EYA3: variants seen among roughly 807,000 people sequenced by gnomAD.
The protein encoded by EYA3 is protein phosphatase EYA3.
Under a neutral mutation model 80.0 loss-of-function variants are expected in EYA3, and 39 were observed. That is an observed-to-expected ratio of 0.49 (90% CI 0.38 to 0.64). The LOEUF (loss-of-function observed/expected upper bound fraction) is 0.64, where lower values mean the gene tolerates loss of function less well. Among genes scored for constraint, EYA3 ranks in the 30% least tolerant of loss-of-function variants. EYA3 has a pLI of 0.00. For missense variants in EYA3, 523 were observed against 676.1 expected, an observed-to-expected ratio of 0.77 and a Z score of 2.51; for synonymous variants, 206 against 232.8, an observed-to-expected ratio of 0.88 and a Z score of 1.05.
At chr1:28,029,783 T>G (rs1643016385) in intron 6 of EYA3, among the ~76,000 whole-genome samples, 1 of 151,732 alleles carries the variant, frequency 6.6e-6, no homozygotes, top group African/African-American at 2.4e-5. Flanking sequence ...TTAGTAAAGA[T>G]GGGGTTTCAC....
At chr1:27,975,299 A>G (rs1638876404) in intron 17 of EYA3, among the ~76,000 whole-genome samples, 1 of 151,846 alleles carries the variant, frequency 6.6e-6, no homozygotes, top group Admixed American at 6.6e-5. Context: ...CTCCCACCTC[A>G]GCCTCCCAAG....
Position 28,039,083 on chromosome 1 carries a change from T to C in EYA3, c.158-178A>G, listed in dbSNP as rs368248878. On this transcript the variant is annotated intron_variant, in intron 4 of 17. Transcript: ENST00000373871. ...ACTTTTTTGTTTATACATGTGTTTA[T>C]AGACTTCCAGAGGCAGTTAAAAAAA... Among the ~76,000 whole-genome samples the C allele has an allele frequency of 1.5e-4, 23 of 152,292 alleles. No homozygotes were observed. The South Asian group carries it at 3.7e-3, about 25-fold the overall frequency.
chr1:27,999,896 A>C (rs1640711388), intron 12 of EYA3, 64 bp downstream of exon 12: 1 of 1,237,062 alleles, frequency 8.1e-7, no homozygotes. Context: ...TAATAAGCAA[A>C]AGCTCTAAAT....
rs553233118 is a variant in EYA3, at chr1:27,989,688, T to C, written c.1418+9A>G. On this transcript the variant is annotated intron_variant, in intron 15 of 17. Transcript: ENST00000373871. ...GAGAGGATGAGACCTAAAAGAACCA[T>C]TTCCATACCTGGACTGGATGAGAAG... The C allele has an allele frequency of 1.9e-6, 3 of 1,571,374 alleles. No homozygotes were observed. Among genetic ancestry groups the C allele is most frequent in the East Asian group, 2.3e-5 (1 of 44,224 alleles).
intron 8 of EYA3, among the ~76,000 whole-genome samples, chr1:28,015,371 G>T (rs1641979016): frequency 1.3e-5 from 2 of 152,158 alleles, no homozygotes; most frequent in Admixed American, 6.5e-5. Context: ...TATATAGCCT[G>T]TGGGCTAGGG....
chr1:28,040,894 G>A (rs1643740210), intron 4 of EYA3, among the ~76,000 whole-genome samples: 1 of 152,182 alleles, frequency 6.6e-6, no homozygotes, highest in Non-Finnish European at 1.5e-5. Flanking sequence ...TTTTAAAATG[G>A]TAAGATGTTT....
intron 6 of EYA3, among the ~76,000 whole-genome samples, chr1:28,033,852 G>T (rs907374662): frequency 1.3e-5 from 2 of 150,712 alleles, no homozygotes; most frequent in African/African-American, 4.9e-5. Context: ...TAGAAACAGG[G>T]TTTCACCATG....
At position 28,048,513 on chromosome 1, in the gene EYA3, T is replaced by A. The variant is rs908305854; in HGVS notation, c.34-87A>T. On this transcript the variant is annotated intron_variant, in intron 2 of 17. Transcript: ENST00000373871. ...ACTCAAACAACAGGCTATTAACTAT[T>A]ACAGGATAACTGTTTAATTTTGTTT... The A allele has an allele frequency of 2.5e-5, 24 of 967,398 alleles. No homozygotes were observed. In the African/African-American group the frequency reaches 2.8e-4, roughly 11 times the overall value. The allele number at this position is 967,398 out of a possible 1,614,324, so 59.9% of individuals were successfully genotyped here.
chr1:28,076,666 TA>T (rs745971576), intron 1 of EYA3, among the ~76,000 whole-genome samples: 160 of 40,378 alleles, frequency 4.0e-3, no homozygotes, highest in East Asian at 0.011. Flanking sequence ...AGACTCTGCC[TA>T]AAAAAAAAAA....
chr1:27,976,460 A>AAAAAC (rs1448906472), intron 17 of EYA3, among the ~76,000 whole-genome samples: 2 of 152,050 alleles, frequency 1.3e-5, no homozygotes, highest in African/African-American at 4.8e-5. Flanking sequence ...ACTCCATCTC[A>AAAAAC]AAAACAAAAC....
rs1294329041 is a variant in EYA3 at position 27,989,107 on chromosome 1, A to T, written c.1419-451T>A. Among the ~76,000 whole-genome samples, 3 of 152,338 alleles carry T rather than the reference A, an allele frequency of 2.0e-5. No individual in the cohort carries two copies. In the East Asian group the frequency reaches 5.8e-4, roughly 29 times the overall value. The stretch of plus-strand genomic sequence containing the variant: ...TAGCAACATAGATTCTAGAATACAC[A>T]TTAATTTTATATGTCCTTTACCTTC... On this transcript the variant is annotated intron_variant, in intron 15 of 17. Transcript: ENST00000373871.
chr1:28,050,195 TATTATTA>T (rs1644189468), intron 2 of EYA3, among the ~76,000 whole-genome samples: 2 of 146,688 alleles, frequency 1.4e-5, no homozygotes, highest in Admixed American at 6.8e-5. Context: ...TTATTATTAT[TATTATTA>T]TTTTTTTTGA....
intron 1 of EYA3, among the ~76,000 whole-genome samples, chr1:28,058,396 A>T (rs746694911): frequency 2.0e-5 from 3 of 152,144 alleles, no homozygotes; most frequent in Non-Finnish European, 2.9e-5. Flanking sequence ...ATAATAAAAT[A>T]TTTTTTTAAG....
chr1:28,027,855 G>GT lies in EYA3; in HGVS notation c.432_433insA (p.Leu145ThrfsTer80). On this transcript the variant is annotated frameshift_variant, in exon 7 of 18. Transcript: ENST00000373871. LOFTEE classifies it high-confidence loss of function. Reference sequence around the variant, plus strand: ...GTGGTTAACCCTGTAGTGCAGGTAAGAACACTGTGTTGACTTGGAGATGGA... The same window carrying GT: ...GTGGTTAACCCTGTAGTGCAGGTAAGTAACACTGTGTTGACTTGGAGATGGA... 1 of 1,614,176 alleles carries GT rather than the reference G, an allele frequency of 6.2e-7. No homozygotes were observed. The highest frequency in any genetic ancestry group is 8.5e-7 in the Non-Finnish European group (1 of 1,180,020).
chr1:28,022,052 C>G (rs952140379), intron 7 of EYA3, among the ~76,000 whole-genome samples: 5 of 152,198 alleles, frequency 3.3e-5, no homozygotes, highest in African/African-American at 1.2e-4. Context: ...CATTCGTTCA[C>G]TTAATCCTTT....
intron 7 of EYA3, among the ~76,000 whole-genome samples, chr1:28,022,906 G>A (rs1231103573): frequency 6.6e-6 from 1 of 151,932 alleles, no homozygotes; most frequent in Non-Finnish European, 1.5e-5. Context: ...TTGTAGAGAT[G>A]GGGTTTTGCC....
intron 16 of EYA3, among the ~76,000 whole-genome samples, chr1:27,984,289 C>T (rs1639504544): frequency 6.6e-6 from 1 of 152,128 alleles, no homozygotes; most frequent in Non-Finnish European, 1.5e-5. Flanking sequence ...ATGCCTTGGC[C>T]TCCCAAAGTG....
In EYA3 at chr1:27,988,496, T is replaced by C. The variant is rs371348100; in HGVS notation, c.1540+39A>G. ...GGTGCATCATGAGTAGAAAGTTTTA[T>C]TGCAAGGCCAGTGACAAGAAACAGC... On this transcript the variant is annotated intron_variant, in intron 16 of 17. Transcript: ENST00000373871. 1.6e-5 allele frequency: 26 copies of C among 1,603,068 alleles called. No individual in the cohort carries two copies. The African/African-American group carries it at 3.1e-4, about 19-fold the overall frequency.
At position 27,971,948 on chromosome 1, in the gene EYA3, C is replaced by T. The variant is rs1335499059; in HGVS notation, c.*2518G>A. On this transcript the variant is annotated 3_prime_UTR_variant, in exon 18 of 18. Coordinates refer to ENST00000373871, the MANE Select transcript of EYA3 (RefSeq NM_001990.4). ...AATGAGCAAAGACTGCTCTGCTCAG[C>T]CTCCTTACCTCTCTTGGCCAAGTTC... is the stretch of plus-strand genomic sequence containing the variant. 2 of 152,192 alleles carry T rather than the reference C, an allele frequency of 1.3e-5. No homozygotes were observed. The highest frequency in any genetic ancestry group is 2.9e-5 in the Non-Finnish European group (2 of 68,042). The allele number at this position is 152,192 out of a possible 1,614,324, so 9.4% of individuals were successfully genotyped here.
Sources: gnomAD v4.1 joint callset for allele counts (sites outside exome capture counted in the v4.1 genomes callset) on GRCh38, gnomAD v4.1.1 for gene constraint, MANE v1.5 for transcripts, NCBI Gene and HGNC (gene_info 2026-07-23, HGNC 2026-07-21) for gene names.